Variants in L3MBTL4 observed in about 807,000 individuals in gnomAD.
The protein encoded by L3MBTL4 is L3MBTL histone methyl-lysine binding protein 4, also known as lethal(3)malignant brain tumor-like protein 4.
Under a neutral mutation model 84.5 loss-of-function variants are expected in L3MBTL4, and 70 were observed. That is an observed-to-expected ratio of 0.83 (90% CI 0.68 to 1.01). L3MBTL4 has a LOEUF of 1.01. Ranked by LOEUF, L3MBTL4 falls within the 50% of genes least tolerant of loss-of-function variation. The pLI is 0.00. For missense variants in L3MBTL4, 715 were observed against 754.8 expected (o/e 0.95, Z 0.62); for synonymous variants, 274 against 259.8 (o/e 1.05, Z -0.52).
At chr18:6,263,269 C>CAAAAAAAAAA (rs750079581) in intron 5 of L3MBTL4, among the ~76,000 whole-genome samples, 1 of 60,700 alleles carries the variant, frequency 1.6e-5, no homozygotes, top group Non-Finnish European at 3.6e-5. Flanking sequence ...CTCCGTCTCA[C>CAAAAAAAAAA]AAAAAAAAAA....
At chr18:6,372,468 A>G (rs1419749850) in intron 1 of L3MBTL4, among the ~76,000 whole-genome samples, 2 of 152,222 alleles carry the variant, frequency 1.3e-5, no homozygotes, top group African/African-American at 4.8e-5. Context: ...AAAGCAAGGT[A>G]AGATCAAATC....
chr18:6,157,531 G>T lies in L3MBTL4; in HGVS notation c.1096+14297C>A, dbSNP rs143458984. 6.5e-3 allele frequency among the ~76,000 whole-genome samples: 979 copies of T among 151,662 alleles called. 8 individuals are homozygous for T. The highest frequency in any genetic ancestry group is 0.022 in the African/African-American group (900 of 41,312). ...ATTAAGAATTTTATCTCACTCATCA[G>T]GATAAACAATGTACCAGCCATATGG... On this transcript the variant is annotated intron_variant, in intron 13 of 18. Transcript: ENST00000317931.
At chr18:6,156,428 C>T (rs768985471) in intron 13 of L3MBTL4, among the ~76,000 whole-genome samples, 1 of 152,168 alleles carries the variant, frequency 6.6e-6, no homozygotes, top group Non-Finnish European at 1.5e-5. Context: ...TATTTTCAGA[C>T]AGTCAGTTGA....
At chr18:6,105,756 T>C (rs929386848) in intron 14 of L3MBTL4, among the ~76,000 whole-genome samples, 4 of 146,706 alleles carry the variant, frequency 2.7e-5, no homozygotes, top group African/African-American at 1.0e-4. Flanking sequence ...GCTAATATAG[T>C]GCCATTGCAC....
intron 4 of L3MBTL4, among the ~76,000 whole-genome samples, chr18:6,301,081 C>T (rs1401157704): frequency 2.0e-5 from 3 of 151,898 alleles, no homozygotes; most frequent in Non-Finnish European, 2.9e-5. Flanking sequence ...TATTTCATCC[C>T]AAGACTAAGC....
At chr18:6,126,523 T>G (rs2059700328) in intron 14 of L3MBTL4, among the ~76,000 whole-genome samples, 5 of 152,224 alleles carry the variant, frequency 3.3e-5, no homozygotes. Context: ...TTTAGAATGT[T>G]GCACTTAATA....
In L3MBTL4 at chr18:6,037,305, G is replaced by T. The variant is rs192798331; in HGVS notation, c.1444+43576C>A. 1.9e-3 allele frequency among the ~76,000 whole-genome samples: 289 copies of T among 152,342 alleles called. 2 individuals carry two copies. Among genetic ancestry groups the T allele is most frequent in the African/African-American group, 6.7e-3 (279 of 41,570 alleles). On this transcript the variant is annotated intron_variant, in intron 16 of 18. Coordinates refer to ENST00000317931, the MANE Select transcript of L3MBTL4 (RefSeq NM_001330559.2). ...AGAGGTGGAACGACTGAACGTAACT[G>T]CAGTTTACCATGTTAACCACTATTT...
chr18:6,085,576 C>A (rs1313178650), intron 15 of L3MBTL4, among the ~76,000 whole-genome samples: 1 of 152,136 alleles, frequency 6.6e-6, no homozygotes, highest in Non-Finnish European at 1.5e-5. Context: ...AGTGAGTACT[C>A]ATAAGATCTG....
intron 16 of L3MBTL4, among the ~76,000 whole-genome samples, chr18:5,990,450 T>C (rs1057041682): frequency 2.6e-5 from 4 of 152,180 alleles, no homozygotes; most frequent in African/African-American, 9.7e-5. Flanking sequence ...CTGAAAACAC[T>C]TGTAGAAAAG....
chr18:6,336,694 G>T (rs879387399), intron 1 of L3MBTL4, among the ~76,000 whole-genome samples: 10 of 152,114 alleles, frequency 6.6e-5, no homozygotes, highest in Admixed American at 2.0e-4. Context: ...CTGCCTTGCA[G>T]AAAAAAGGGT....
chr18:5,995,747 C>A (rs1169615148), intron 16 of L3MBTL4, among the ~76,000 whole-genome samples: 1 of 152,072 alleles, frequency 6.6e-6, no homozygotes, highest in Non-Finnish European at 1.5e-5. Flanking sequence ...AAAATGTTAC[C>A]CTAAGAGCAT....
chr18:6,264,639 C>T (rs1262317842), intron 4 of L3MBTL4, among the ~76,000 whole-genome samples: 1 of 152,156 alleles, frequency 6.6e-6, no homozygotes, highest in Admixed American at 6.5e-5. Context: ...CAAAAATTAG[C>T]TGGGCATCGT....
At chr18:6,361,279 T>C (rs1568553619) in intron 1 of L3MBTL4, among the ~76,000 whole-genome samples, 1 of 152,096 alleles carries the variant, frequency 6.6e-6, no homozygotes, top group East Asian at 1.9e-4. Flanking sequence ...TCACACTAAA[T>C]TCAGTCCTCT....
intron 17 of L3MBTL4, among the ~76,000 whole-genome samples, chr18:5,969,029 T>TA (rs1598312954): frequency 6.6e-6 from 1 of 152,112 alleles, no homozygotes; most frequent in East Asian, 1.9e-4. Flanking sequence ...GTGCCTAGGA[T>TA]GCAAGCCTCA....
intron 5 of L3MBTL4, among the ~76,000 whole-genome samples, chr18:6,248,696 A>T (rs74998024): frequency 0.031 from 4,646 of 152,198 alleles, 237 homozygotes; most frequent in African/African-American, 0.1. Context: ...CATACTATAC[A>T]TGCTCTTTTG....
intron 16 of L3MBTL4, among the ~76,000 whole-genome samples, chr18:6,053,647 G>T (rs1186740659): frequency 1.3e-5 from 2 of 152,156 alleles, no homozygotes; most frequent in Non-Finnish European, 2.9e-5. Flanking sequence ...GAATGCAACT[G>T]CCCTCCTTTC....
intron 13 of L3MBTL4, among the ~76,000 whole-genome samples, chr18:6,152,191 T>C (rs1294345026): frequency 3.3e-5 from 5 of 152,174 alleles, no homozygotes; most frequent in Admixed American, 6.5e-5. Context: ...GCAATGAACA[T>C]AGGGGTACAG....
chr18:6,163,266 G>GT (rs2043440119), intron 13 of L3MBTL4, among the ~76,000 whole-genome samples: 2 of 96,316 alleles, frequency 2.1e-5, no homozygotes, highest in Admixed American at 1.2e-4. Flanking sequence ...GTGTGGGGGG[G>GT]GGGTGGGTGT....
At chr18:6,147,819 A>G (rs1445282259) in intron 13 of L3MBTL4, among the ~76,000 whole-genome samples, 1 of 152,256 alleles carries the variant, frequency 6.6e-6, no homozygotes, top group African/African-American at 2.4e-5. Context: ...TTTTGAAATG[A>G]GACAGAAGAC....
Sources: gnomAD v4.1 joint callset for allele counts (sites outside exome capture counted in the v4.1 genomes callset) on GRCh38, gnomAD v4.1.1 for gene constraint, MANE v1.5 for transcripts, NCBI Gene and HGNC (gene_info 2026-07-23, HGNC 2026-07-21) for gene names.